The following ARHGAP44 variants were observed in gnomAD, a reference collection of about 807,000 sequenced individuals.
The protein encoded by ARHGAP44 is Rho GTPase activating protein 44, also known as rho GTPase-activating protein 44.
ARHGAP44 carries 43 observed loss-of-function variants against 106.8 expected under a neutral mutation model. The ratio of observed to expected loss-of-function variants is 0.40; its 90% CI spans 0.32 to 0.52. The LOEUF (loss-of-function observed/expected upper bound fraction) is 0.52. Ranked by LOEUF, ARHGAP44 falls within the 20% of genes least tolerant of loss-of-function variation. The pLI is 0.48. For synonymous variants in ARHGAP44, 439 were observed against 410.3 expected (o/e 1.07, Z -0.85); for missense variants, 866 against 1,050.5 (o/e 0.82, Z 2.43).
At chr17:12,887,031 T>G (rs2036902956) in intron 1 of ARHGAP44, among the ~76,000 whole-genome samples, 1 of 151,226 alleles carries the variant, frequency 6.6e-6, no homozygotes, top group Admixed American at 6.6e-5. Flanking sequence ...TTTTCTACAT[T>G]AATTGCTATG....
intron 1 of ARHGAP44, among the ~76,000 whole-genome samples, chr17:12,845,315 C>T (rs1389246155): frequency 6.6e-6 from 1 of 151,976 alleles, no homozygotes. Flanking sequence ...CGAGACCAGC[C>T]TGGCCAACAT....
At position 12,802,951 on chromosome 17, in the gene ARHGAP44, ATATATATATATATATATATT is replaced by A. The variant is rs1467702763; in HGVS notation, c.53+13062_53+13081del. ...TTTATATATATATATATATATATATATATATATATATATATATATTTTTTTTTTTTTTTTTTTTTGAGGCA... is the reference window on the plus strand; with the variant it reads ...TTTATATATATATATATATATATATATTTTTTTTTTTTTTTTTTTGAGGCA... On this transcript the variant is annotated intron_variant, in intron 1 of 20. Transcript: ENST00000379672. 1.0e-3 allele frequency among the ~76,000 whole-genome samples: 20 copies of A among 19,856 alleles called. 1 individual carries two copies. The highest frequency in any genetic ancestry group is 4.7e-3 in the African/African-American group (11 of 2,362). 13.0% of individuals were successfully genotyped at this position (19,856 alleles called of 152,430 possible). A position where few individuals can be genotyped will look rare whatever the true frequency, so the allele number is the denominator to read the frequency against.
chr17:12,971,886 C>T lies in ARHGAP44; in HGVS notation c.1524-1416C>T, dbSNP rs530922691. On this transcript the variant is annotated intron_variant, in intron 16 of 20. Transcript: ENST00000379672. ...AAGGGGATCAGGAAGCCCTCCCATG[C>T]CAGTGTGTGCTTGGTTTCAGCATCA... is the stretch of plus-strand genomic sequence containing the variant. 7.3e-4 allele frequency among the ~76,000 whole-genome samples: 111 copies of T among 152,270 alleles called. 1 individual carries two copies. Among genetic ancestry groups the T allele is most frequent in the African/African-American group, 2.6e-3 (107 of 41,546 alleles).
At position 12,956,716 on chromosome 17, in the gene ARHGAP44, A is replaced by G; in HGVS notation, c.1312A>G (p.Ile438Val). The change falls in exon 15 of 21, where the codon ATC (isoleucine) becomes GTC (valine). Residue 438 changes from isoleucine to valine, a missense_variant. By Grantham distance (29) the Ile-to-Val change is conservative. This residue lies in a region of ARHGAP44 where 448 missense variants were observed against 646.9 expected (regional missense o/e 0.69). Transcript: ENST00000379672. ...AATTGTTGGGATCATTGAACCTATC[A>G]TCCAGCATGCAGACTGGTTCTTCCC... ...LQIVGIIEPI[I>V]QHADWFFPGE... 6.2e-7 allele frequency: 1 copy of G among 1,614,148 alleles called. No individual in the cohort carries two copies. The highest frequency in any genetic ancestry group is 1.1e-5 in the South Asian group (1 of 91,086).
intron 7 of ARHGAP44, among the ~76,000 whole-genome samples, chr17:12,937,231 T>A (rs988385423): frequency 6.6e-6 from 1 of 152,228 alleles, no homozygotes; most frequent in Non-Finnish European, 1.5e-5. Context: ...CCCAATAGTT[T>A]AGGCTTGGGT....
chr17:12,943,356 T>C (rs925248485), intron 8 of ARHGAP44, among the ~76,000 whole-genome samples: 2 of 152,178 alleles, frequency 1.3e-5, no homozygotes, highest in African/African-American at 2.4e-5. Flanking sequence ...TCTGAAGAGC[T>C]CCCCCTATTC....
At chr17:12,850,989 G>C (rs1156766445) in intron 1 of ARHGAP44, among the ~76,000 whole-genome samples, 1 of 152,174 alleles carries the variant, frequency 6.6e-6, no homozygotes, top group African/African-American at 2.4e-5. Flanking sequence ...TCAACTTTTG[G>C]GAGTCATTTC....
intron 16 of ARHGAP44, among the ~76,000 whole-genome samples, chr17:12,969,288 CTTT>C (rs1567715247): frequency 6.6e-6 from 1 of 152,164 alleles, no homozygotes. Flanking sequence ...CATTCTCTTT[CTTT>C]CTCTGAGGAG....
intron 1 of ARHGAP44, among the ~76,000 whole-genome samples, chr17:12,875,769 C>A (rs1030260153): frequency 7.2e-5 from 11 of 152,068 alleles, no homozygotes; most frequent in African/African-American, 2.7e-4. Flanking sequence ...CATGGTGAAA[C>A]CCCGTCTCTA....
chr17:12,823,932 C>A (rs1263428891), intron 1 of ARHGAP44, among the ~76,000 whole-genome samples: 1 of 152,138 alleles, frequency 6.6e-6, no homozygotes, highest in Non-Finnish European at 1.5e-5. Context: ...CTTGCTGAAT[C>A]CAGTGGTACA....
chr17:12,855,778 G>A (rs2035890021), intron 1 of ARHGAP44, among the ~76,000 whole-genome samples: 1 of 152,208 alleles, frequency 6.6e-6, no homozygotes, highest in South Asian at 2.1e-4. Context: ...AGAAACACTT[G>A]TGTGATGAAG....
chr17:12,846,622 A>G (rs547694887), intron 1 of ARHGAP44, among the ~76,000 whole-genome samples: 80 of 152,374 alleles, frequency 5.3e-4, no homozygotes, highest in African/African-American at 1.7e-3. Context: ...ACATCTGTCA[A>G]AGAAGTAGGA....
intron 6 of ARHGAP44, among the ~76,000 whole-genome samples, chr17:12,920,167 A>G (rs970589340): frequency 1.3e-5 from 2 of 152,140 alleles, no homozygotes; most frequent in African/African-American, 4.8e-5. Context: ...CAAGGTCAAG[A>G]GATCGAGACC....
chr17:12,911,656 C>A (rs8077610), intron 4 of ARHGAP44, among the ~76,000 whole-genome samples: 1 of 152,046 alleles, frequency 6.6e-6, no homozygotes, highest in Non-Finnish European at 1.5e-5. Flanking sequence ...GTCTAGGAAC[C>A]TGTCATCCCC....
Position 12,949,321 on chromosome 17 carries a change from G to A in ARHGAP44, c.973+70G>A, listed in dbSNP as rs77711202. Reference sequence around the variant, plus strand: ...GAAGGGGTAGAGGGGAGGCTGTGTGGCTACAAGTCCAGGACACTCAAGTCA... The same window carrying A: ...GAAGGGGTAGAGGGGAGGCTGTGTGACTACAAGTCCAGGACACTCAAGTCA... On this transcript the variant is annotated intron_variant, in intron 11 of 20. Coordinates refer to ENST00000379672, the MANE Select transcript of ARHGAP44 (RefSeq NM_014859.6). The surrounding 1 kb of genome is among the most constrained non-coding windows in gnomAD (Gnocchi z 4.1). 2 of 1,468,204 alleles carry A rather than the reference G, an allele frequency of 1.4e-6. No homozygotes were observed. Among genetic ancestry groups the A allele is most frequent in the East Asian group, 5.0e-5 (2 of 40,300 alleles). The allele number at this position is 1,468,204 out of a possible 1,614,324, so 90.9% of individuals were successfully genotyped here.
intron 1 of ARHGAP44, among the ~76,000 whole-genome samples, chr17:12,818,358 C>CCTACAACT (rs2034663748): frequency 1.5e-5 from 2 of 137,166 alleles, no homozygotes; most frequent in Admixed American, 1.4e-4. Flanking sequence ...AAAAAACAAC[C>CCTACAACT]CTACAACTCA....
Position 12,914,261 on chromosome 17 carries a change from A to T in ARHGAP44, c.276-1639A>T, listed in dbSNP as rs79336780. The stretch of plus-strand genomic sequence containing the variant: ...TGTATCCACCAGTTTAACAGAAATT[A>T]AGACACCTACCAGGACCAAGGGTTG... On this transcript the variant is annotated intron_variant, in intron 4 of 20. Coordinates refer to ENST00000379672, the MANE Select transcript of ARHGAP44 (RefSeq NM_014859.6). Among the ~76,000 whole-genome samples, 64 of 152,306 alleles carry T rather than the reference A, an allele frequency of 4.2e-4. No individual in the cohort carries two copies. In the East Asian group the frequency reaches 0.011, roughly 27 times the overall value.
chr17:12,885,002 G>A (rs1413161858), intron 1 of ARHGAP44, among the ~76,000 whole-genome samples: 3 of 152,174 alleles, frequency 2.0e-5, no homozygotes, highest in South Asian at 2.1e-4. Context: ...CTGGGTTCAA[G>A]CGATTCTTCT....
At chr17:12,957,564 G>A (rs2039160745) in intron 15 of ARHGAP44, among the ~76,000 whole-genome samples, 1 of 152,048 alleles carries the variant, frequency 6.6e-6, no homozygotes, top group Non-Finnish European at 1.5e-5. Flanking sequence ...AGCATGTGAA[G>A]GTGGGGCTCA....
Sources: gnomAD v4.1 joint callset for allele counts (sites outside exome capture counted in the v4.1 genomes callset) on GRCh38, gnomAD v4.1.1 for gene constraint, gnomAD v4.1.1 regional missense constraint, Gnocchi (gnomAD v3.1) non-coding constraint, MANE v1.5 for transcripts, NCBI Gene and HGNC (gene_info 2026-07-23, HGNC 2026-07-21) for gene names.